The following ACTR1A variants were observed in gnomAD, a reference collection of about 807,000 sequenced individuals.
ACTR1A encodes actin related protein 1A.
Under a neutral mutation model 50.7 loss-of-function variants are expected in ACTR1A, and 10 were observed. The ratio of observed to expected loss-of-function variants is 0.20; its 90% CI spans 0.12 to 0.33. The LOEUF (loss-of-function observed/expected upper bound fraction) is 0.33, where lower values mean the gene tolerates loss of function less well. Ranked by LOEUF, ACTR1A falls within the 10% of genes least tolerant of loss-of-function variation. The pLI is 1.00. For missense variants in ACTR1A, 253 were observed against 491.7 expected (o/e 0.51, Z 4.59); for synonymous variants, 177 against 184.2 (o/e 0.96, Z 0.32).
At chr10:102,481,045 C>T (rs1259990518) in intron 10 of ACTR1A, 80 bp from the exon 11 acceptor site, 1 of 1,585,366 alleles carries the variant, frequency 6.3e-7, no homozygotes. Flanking sequence ...GGGGCCAAAC[C>T]AAATCAGGCT....
chr10:102,486,946 C>T (rs1428181012), intron 4 of ACTR1A, among the ~76,000 whole-genome samples: 1 of 122,208 alleles, frequency 8.2e-6, no homozygotes, highest in African/African-American at 3.0e-5. Flanking sequence ...ACCACTGTAC[C>T]CGGCTATTTT....
intron 2 of ACTR1A, among the ~76,000 whole-genome samples, chr10:102,490,232 CAAA>C (rs145472595): frequency 4.4e-5 from 2 of 45,726 alleles, no homozygotes; most frequent in South Asian, 7.2e-4. Context: ...GACTCCGTCT[CAAA>C]AAAAAAAAAA....
At chr10:102,483,405 C>G in intron 6 of ACTR1A, 1 of 340,642 alleles carries the variant, frequency 2.9e-6, no homozygotes, top group Non-Finnish European at 5.4e-6. Context: ...CATCTTTCTC[C>G]TTCTACCACT....
chr10:102,490,001 C>T (rs925324682), intron 2 of ACTR1A, among the ~76,000 whole-genome samples: 21 of 151,654 alleles, frequency 1.4e-4, no homozygotes, highest in Admixed American at 1.3e-3. Context: ...TTTGGGAGGC[C>T]GAGGCAGGCA....
intron 9 of ACTR1A, 149 bp downstream of exon 9, chr10:102,481,688 G>A: frequency 1.1e-6 from 1 of 872,382 alleles, no homozygotes; most frequent in South Asian, 1.6e-5. Context: ...CTAGACCTCA[G>A]GGTCAGTGTA....
At chr10:102,495,366 G>T (rs1369932594) in intron 1 of ACTR1A, among the ~76,000 whole-genome samples, 1 of 151,996 alleles carries the variant, frequency 6.6e-6, no homozygotes, top group Non-Finnish European at 1.5e-5. Context: ...TCAGGAGATT[G>T]AGACCATCCT....
chr10:102,486,416 G>A (rs1271128810), intron 4 of ACTR1A, among the ~76,000 whole-genome samples: 5 of 152,122 alleles, frequency 3.3e-5, no homozygotes, highest in African/African-American at 7.2e-5. Flanking sequence ...ACAGCCGGGC[G>A]TGGTGGCTCA....
At chr10:102,491,165 C>T (rs2062189935) in intron 1 of ACTR1A, among the ~76,000 whole-genome samples, 1 of 152,094 alleles carries the variant, frequency 6.6e-6, no homozygotes, top group African/African-American at 2.4e-5. Context: ...CTACATTGAA[C>T]ATGTTTTGCT....
Position 102,479,536 on chromosome 10 carries a change from C to A in ACTR1A, c.*1327G>T. On this transcript the variant is annotated 3_prime_UTR_variant, in exon 11 of 11. Transcript: ENST00000369905. The surrounding 1 kb of genome is among the most constrained non-coding windows in gnomAD (Gnocchi z 4.0). ...CAGGCTGGCCCCAGCTTTGCACCAT[C>A]TAGGCTGAAGGCCTTTGGACCACTC... 8.8e-7 allele frequency: 1 copy of A among 1,131,388 alleles called. No homozygotes were observed. Among genetic ancestry groups the A allele is most frequent in the Non-Finnish European group, 1.2e-6 (1 of 852,246 alleles). The allele number at this position is 1,131,388 out of a possible 1,614,324, so 70.1% of individuals were successfully genotyped here. A position where few individuals can be genotyped will look rare whatever the true frequency, so the allele number is the denominator to read the frequency against.
At chr10:102,500,393 C>T (rs987371805) in intron 1 of ACTR1A, among the ~76,000 whole-genome samples, 1 of 151,922 alleles carries the variant, frequency 6.6e-6, no homozygotes, top group Non-Finnish European at 1.5e-5. Context: ...CACGGTGAAA[C>T]CCCATCTCTA....
intron 1 of ACTR1A, among the ~76,000 whole-genome samples, chr10:102,497,526 G>A (rs1341325381): frequency 6.6e-6 from 1 of 152,014 alleles, no homozygotes; most frequent in African/African-American, 2.4e-5. Context: ...GTTTGAGGCT[G>A]CAGTGAGCTA....
chr10:102,479,400 G>C lies in ACTR1A; in HGVS notation c.*1463C>G, dbSNP rs768742695. On this transcript the variant is annotated 3_prime_UTR_variant, in exon 11 of 11. Coordinates refer to ENST00000369905, the MANE Select transcript of ACTR1A (RefSeq NM_005736.4). The surrounding 1 kb of genome is among the most constrained non-coding windows in gnomAD (Gnocchi z 4.0). ...TGCTTTCACACATACCTGCTGCTGT[G>C]GCCCACACCTGGCAGGGGCCTTTGG... is the stretch of plus-strand genomic sequence containing the variant. The C allele has an allele frequency of 5.4e-6, 2 of 371,738 alleles. No individual in the cohort carries two copies. Among genetic ancestry groups the C allele is most frequent in the Non-Finnish European group, 1.0e-5 (2 of 192,720 alleles). 23.0% of individuals were successfully genotyped at this position (371,738 alleles called of 1,614,324 possible). A position where few individuals can be genotyped will look rare whatever the true frequency, so the allele number is the denominator to read the frequency against.
rs181695488 is a variant in ACTR1A at position 102,480,029 on chromosome 10, A to C, written c.*834T>G. ...TAGGTGCTGTAAACATTAGTGTAGC[A>C]AGGCAGGAGGCAGCAAGCTCCCTCT... is the stretch of plus-strand genomic sequence containing the variant. On this transcript the variant is annotated 3_prime_UTR_variant, in exon 11 of 11. Transcript: ENST00000369905. The C allele has an allele frequency of 4.6e-5, 8 of 175,376 alleles. No individual in the cohort carries two copies. The East Asian group carries it at 1.3e-3, about 28-fold the overall frequency. 10.9% of individuals were successfully genotyped at this position (175,376 alleles called of 1,614,324 possible). A position where few individuals can be genotyped will look rare whatever the true frequency, so the allele number is the denominator to read the frequency against.
At chr10:102,483,947 T>C (rs1006690140) in intron 6 of ACTR1A, 5 of 578,782 alleles carry the variant, frequency 8.6e-6, no homozygotes, top group African/African-American at 1.9e-5. Context: ...ACTGAAGAAA[T>C]GGAAGCAGCT....
chr10:102,490,232 CA>C (rs145472595), intron 2 of ACTR1A, among the ~76,000 whole-genome samples: 7,634 of 45,902 alleles, frequency 0.17, 199 homozygotes, highest in East Asian at 0.39. Context: ...GACTCCGTCT[CA>C]AAAAAAAAAA....
chr10:102,491,000 A>G (rs896263047), intron 1 of ACTR1A, among the ~76,000 whole-genome samples: 2 of 152,094 alleles, frequency 1.3e-5, no homozygotes, highest in African/African-American at 4.8e-5. Context: ...GGAAAAAAAA[A>G]ACAAAACTAA....
rs1425750492 is a variant in ACTR1A, at chr10:102,479,970, C to T, written c.*893G>A. ...CCTGTGGACACTGTCAGCTCACCAT[C>T]AGCTGGGAGAGGTGGGGCCCTGGAG... On this transcript the variant is annotated 3_prime_UTR_variant, in exon 11 of 11. Transcript: ENST00000369905. The surrounding 1 kb of genome is among the most constrained non-coding windows in gnomAD (Gnocchi z 4.0). The T allele has an allele frequency of 4.2e-6, 1 of 238,280 alleles. No individual in the cohort carries two copies. Among genetic ancestry groups the T allele is most frequent in the Admixed American group, 4.7e-5 (1 of 21,292 alleles). 14.8% of individuals were successfully genotyped at this position (238,280 alleles called of 1,614,324 possible). A position where few individuals can be genotyped will look rare whatever the true frequency, so the allele number is the denominator to read the frequency against.
Position 102,484,628 on chromosome 10 carries a change from C to G in ACTR1A, c.441-252G>C, listed in dbSNP as rs115431424. On this transcript the variant is annotated intron_variant, in intron 5 of 10. Transcript: ENST00000369905. ...GAGCAGGCCTTCCTGTCTGAGATGG[C>G]CTGGCCTTCAGCTGCTTCAGAGACC... Among the ~76,000 whole-genome samples the G allele has an allele frequency of 9.0e-3, 1,370 of 152,270 alleles. 19 individuals are homozygous for G. Among genetic ancestry groups the G allele is most frequent in the African/African-American group, 0.031 (1,293 of 41,540 alleles).
chr10:102,484,006 G>A (rs1472244741), intron 6 of ACTR1A, 154 bp downstream of exon 6: 2 of 642,984 alleles, frequency 3.1e-6, no homozygotes, highest in Non-Finnish European at 5.4e-6. Flanking sequence ...GAATCTGTCA[G>A]TGTGACGTAG....
Sources: gnomAD v4.1 joint callset for allele counts (sites outside exome capture counted in the v4.1 genomes callset) on GRCh38, gnomAD v4.1.1 for gene constraint, Gnocchi (gnomAD v3.1) non-coding constraint, MANE v1.5 for transcripts, NCBI Gene and HGNC (gene_info 2026-07-23, HGNC 2026-07-21) for gene names.